PDLIM5: variants seen among roughly 807,000 people sequenced by gnomAD.
PDLIM5 encodes the protein PDZ and LIM domain 5.
In PDLIM5, 34 loss-of-function variants were observed where a neutral mutation model predicts 64.2. The observed-to-expected ratio is 0.53, with a 90% CI of 0.40 to 0.71. The LOEUF (loss-of-function observed/expected upper bound fraction) is 0.71, where lower values mean the gene tolerates loss of function less well. Among genes scored for constraint, PDLIM5 ranks in the 30% least tolerant of loss-of-function variants. PDLIM5 has a pLI of 0.00. For missense variants in PDLIM5, 683 were observed against 733.6 expected (o/e 0.93, Z 0.80); for synonymous variants, 253 against 269.1 (o/e 0.94, Z 0.59).
At position 94,455,227 on chromosome 4, in the gene PDLIM5, C is replaced by T. The variant is rs1723226743; in HGVS notation, c.-42-20C>T. 2.1e-6 allele frequency: 2 copies of T among 960,474 alleles called. No homozygotes were observed. 59.5% of individuals were successfully genotyped at this position (960,474 alleles called of 1,614,324 possible). A position where few individuals can be genotyped will look rare whatever the true frequency, so the allele number is the denominator to read the frequency against. On this transcript the variant is annotated intron_variant, in intron 1 of 12. Transcript: ENST00000317968. ...GTTTCAAGTAAACATTTTTGCTAAT[C>T]ATCTGATTTTCTTTCACAGCATATT...
intron 3 of PDLIM5, among the ~76,000 whole-genome samples, chr4:94,550,629 C>A (rs1182521721): frequency 1.3e-5 from 2 of 152,094 alleles, no homozygotes; most frequent in Admixed American, 1.3e-4. Flanking sequence ...TGATGACTTG[C>A]AAGTCCATAA....
At chr4:94,644,262 A>G (rs1741229759) in intron 9 of PDLIM5, among the ~76,000 whole-genome samples, 1 of 152,166 alleles carries the variant, frequency 6.6e-6, no homozygotes, top group Non-Finnish European at 1.5e-5. Context: ...GAAGTTACGT[A>G]TTTGTTTGAA....
At chr4:94,504,593 T>A (rs998407928) in intron 2 of PDLIM5, among the ~76,000 whole-genome samples, 3 of 152,110 alleles carry the variant, frequency 2.0e-5, no homozygotes, top group African/African-American at 7.2e-5. Context: ...CCCGTTACGC[T>A]ATTTTCATGG....
intron 2 of PDLIM5, among the ~76,000 whole-genome samples, chr4:94,515,050 T>C (rs1034404621): frequency 2.6e-5 from 4 of 152,224 alleles, no homozygotes; most frequent in African/African-American, 9.6e-5. Flanking sequence ...TAGTAGCCTG[T>C]TGACTAAATA....
At chr4:94,646,246 A>G (rs147076220) in intron 9 of PDLIM5, among the ~76,000 whole-genome samples, 39 of 152,304 alleles carry the variant, frequency 2.6e-4, no homozygotes, top group African/African-American at 8.7e-4. Flanking sequence ...TGAAGAGGGC[A>G]TTTGGTCTTT....
intron 4 of PDLIM5, among the ~76,000 whole-genome samples, chr4:94,574,224 G>A (rs542580037): frequency 1.2e-4 from 18 of 152,200 alleles, no homozygotes; most frequent in Non-Finnish European, 2.2e-4. Context: ...GAGGCTGCGC[G>A]CGGTGGGTCA....
intron 12 of PDLIM5, 68 bp downstream of exon 12, chr4:94,662,605 G>A (rs945160296): frequency 6.1e-6 from 4 of 660,204 alleles, no homozygotes; most frequent in African/African-American, 3.6e-5. Context: ...GTATTTAATG[G>A]AAATATCAGC....
intron 3 of PDLIM5, among the ~76,000 whole-genome samples, chr4:94,539,175 A>T (rs1195807003): frequency 1.3e-5 from 2 of 152,340 alleles, no homozygotes; most frequent in East Asian, 3.9e-4. Context: ...GAAGCTTGAA[A>T]CGATTGTACA....
chr4:94,588,639 C>T (rs755297371), intron 7 of PDLIM5, among the ~76,000 whole-genome samples: 3 of 151,968 alleles, frequency 2.0e-5, no homozygotes. Context: ...GATTTTCCCC[C>T]TGAATTATTA....
chr4:94,510,371 A>G (rs916949483), intron 2 of PDLIM5, among the ~76,000 whole-genome samples: 1 of 152,122 alleles, frequency 6.6e-6, no homozygotes, highest in Admixed American at 6.5e-5. Context: ...TTTTTTTCCA[A>G]ATAAATTCTT....
At chr4:94,568,056 T>C (rs572037240) in intron 3 of PDLIM5, among the ~76,000 whole-genome samples, 1 of 152,326 alleles carries the variant, frequency 6.6e-6, no homozygotes, top group Admixed American at 6.5e-5. Flanking sequence ...AATTAGGGCT[T>C]TGCATTGTGC....
chr4:94,607,863 A>G (rs1738054506), intron 7 of PDLIM5, among the ~76,000 whole-genome samples: 1 of 152,186 alleles, frequency 6.6e-6, no homozygotes, highest in South Asian at 2.1e-4. Context: ...ATTTTGGGGG[A>G]AAACAGCCCA....
intron 2 of PDLIM5, among the ~76,000 whole-genome samples, chr4:94,468,185 G>T (rs1416340095): frequency 6.6e-6 from 1 of 151,744 alleles, no homozygotes; most frequent in African/African-American, 2.4e-5. Context: ...ATGGGGTCTT[G>T]CTCTGTCACT....
chr4:94,526,745 T>C (rs1157210593), intron 3 of PDLIM5, among the ~76,000 whole-genome samples: 2 of 151,850 alleles, frequency 1.3e-5, no homozygotes, highest in African/African-American at 4.8e-5. Flanking sequence ...TTTCTTTTTT[T>C]TTTTGAGACT....
chr4:94,490,819 A>G (rs182298953), intron 2 of PDLIM5, among the ~76,000 whole-genome samples: 111 of 152,308 alleles, frequency 7.3e-4, no homozygotes, highest in Middle Eastern at 3.4e-3. Context: ...AATTGCAATG[A>G]TAAGTAATTC....
intron 1 of PDLIM5, among the ~76,000 whole-genome samples, chr4:94,453,136 C>G (rs1421715912): frequency 6.6e-6 from 1 of 152,118 alleles, no homozygotes; most frequent in Non-Finnish European, 1.5e-5. Context: ...TTTAGACTTT[C>G]CCTAAAAGAA....
At chr4:94,648,153 CAA>C (rs1741562853) in intron 9 of PDLIM5, among the ~76,000 whole-genome samples, 1 of 149,912 alleles carries the variant, frequency 6.7e-6, no homozygotes, top group Non-Finnish European at 1.5e-5. Context: ...AAGGCAAGAA[CAA>C]AGATTACAGC....
intron 4 of PDLIM5, chr4:94,573,721 AAATT>A (rs1293710623): frequency 1.0e-5 from 3 of 290,332 alleles, no homozygotes; most frequent in Non-Finnish European, 1.9e-5. Flanking sequence ...TGGTTACTGA[AAATT>A]AATATCACAA....
At chr4:94,478,406 T>G (rs1274292925) in intron 2 of PDLIM5, among the ~76,000 whole-genome samples, 1 of 152,086 alleles carries the variant, frequency 6.6e-6, no homozygotes, top group Non-Finnish European at 1.5e-5. Flanking sequence ...ACATGAATCT[T>G]CAACTGCATG....
Sources: allele counts gnomAD v4.1 joint callset (sites outside exome capture counted in the v4.1 genomes callset), GRCh38; gene constraint gnomAD v4.1.1; transcripts MANE v1.5; gene names NCBI Gene and HGNC (gene_info 2026-07-23, HGNC 2026-07-21).